The following SCML2 variants were observed in gnomAD, a reference collection of about 807,000 sequenced individuals.
The protein encoded by SCML2 is Scm polycomb group protein like 2, also known as sex comb on midleg-like protein 2.
A neutral mutation model predicts 48.4 loss-of-function variants in SCML2; 6 were observed. That is an observed-to-expected ratio of 0.12 (90% confidence interval 0.07 to 0.24). SCML2 has a LOEUF of 0.24. Among genes scored for constraint, SCML2 ranks in the 10% least tolerant of loss-of-function variants. The pLI is 1.00. For synonymous variants in SCML2, 181 were observed against 189.5 expected (o/e 0.95, Z 0.37); for missense variants, 377 against 528.2 (o/e 0.71, Z 2.81).
chrX:18,331,414 C>A (rs749311285), intron 2 of SCML2, among the ~76,000 whole-genome samples: 73 of 109,756 alleles, frequency 6.7e-4, no homozygotes, highest in African/African-American at 2.0e-3. Flanking sequence ...CACTGTAATT[C>A]AATGGACTGG....
In SCML2 at chrX:18,239,362, A is replaced by G. The variant is rs5955958; in HGVS notation, c.*1889T>C. 1 of 112,949 alleles carries G rather than the reference A, an allele frequency of 8.9e-6. No individual in the cohort carries two copies. Among genetic ancestry groups the G allele is most frequent in the Admixed American group, 9.4e-5 (1 of 10,637 alleles). 9.3% of individuals were successfully genotyped at this position (112,949 alleles called of 1,213,427 possible). A position where few individuals can be genotyped will look rare whatever the true frequency, so the allele number is the denominator to read the frequency against. The stretch of plus-strand genomic sequence containing the variant: ...AATATTTTAAAATATGAAAACTGTA[A>G]AACATAGTATTTATGTAAACACCTG... On this transcript the variant is annotated 3_prime_UTR_variant, in exon 15 of 15. Coordinates refer to ENST00000251900, the MANE Select transcript of SCML2 (RefSeq NM_006089.3).
chrX:18,334,940 A>G (rs1236954022), intron 1 of SCML2, among the ~76,000 whole-genome samples: 3 of 112,043 alleles, frequency 2.7e-5, no homozygotes, highest in African/African-American at 9.7e-5. Context: ...GGCTGGGTGC[A>G]GTGGCTCATG....
At position 18,325,031 on chromosome X, in the gene SCML2, T is replaced by C. The variant is rs1929436020; in HGVS notation, c.92-54A>G. 4.7e-6 allele frequency: 4 copies of C among 855,809 alleles called. No homozygotes were observed. The East Asian group carries it at 1.3e-4, about 27-fold the overall frequency. 70.5% of individuals were successfully genotyped at this position (855,809 alleles called of 1,213,427 possible). ...TCTTAAAGCATATACAATGTAACTT[T>C]TAGTATATACAACTTTCAGGATTAA... On this transcript the variant is annotated intron_variant, in intron 3 of 14. Transcript: ENST00000251900.
chrX:18,353,672 T>G (rs1242236240), intron 1 of SCML2, among the ~76,000 whole-genome samples: 3 of 112,532 alleles, frequency 2.7e-5, no homozygotes, highest in Non-Finnish European at 3.8e-5. Flanking sequence ...ATAAATAGTC[T>G]CAAATGGGAG....
intron 1 of SCML2, among the ~76,000 whole-genome samples, chrX:18,343,347 T>C (rs1175107765): frequency 9.4e-6 from 1 of 106,858 alleles, no homozygotes; most frequent in African/African-American, 3.4e-5. Context: ...TCAATTTCAC[T>C]AGGGAAAAAA....
chrX:18,337,323 A>C (rs1219992498), intron 1 of SCML2, among the ~76,000 whole-genome samples: 1 of 103,518 alleles, frequency 9.7e-6, no homozygotes, highest in Admixed American at 1.1e-4. Context: ...AAAAAAAAAA[A>C]AAAAAAAAAA....
At chrX:18,252,072 G>A (rs1019136161) in intron 11 of SCML2, among the ~76,000 whole-genome samples, 1 of 111,916 alleles carries the variant, frequency 8.9e-6, no homozygotes, top group African/African-American at 3.2e-5. Flanking sequence ...TCAGGAATTC[G>A]AGACCAGCCT....
Position 18,258,238 on chromosome X carries a change from T to C in SCML2, c.1079A>G (p.Tyr360Cys). The change falls in exon 10 of 15, where the codon TAT (tyrosine) becomes TGT (cysteine). Residue 360 changes from tyrosine to cysteine, a missense_variant. Tyr to Cys is a radical substitution (Grantham distance 194). Coordinates refer to ENST00000251900, the MANE Select transcript of SCML2 (RefSeq NM_006089.3). Reference sequence around the variant, plus strand: ...GCCAAAGTTTCCATGTTTGTTTACATAGACACAGACTTGAGAAAAAATGCG... The same window carrying C: ...GCCAAAGTTTCCATGTTTGTTTACACAGACACAGACTTGAGAAAAAATGCG... Reference protein sequence around the residue: ...CKIVMSTVCVYVNKHGNFGPH... With the variant: ...CKIVMSTVCVCVNKHGNFGPH... The C allele has an allele frequency of 8.3e-7, 1 of 1,208,903 alleles. No homozygotes were observed.
At chrX:18,336,451 A>G (rs1178887046) in intron 1 of SCML2, among the ~76,000 whole-genome samples, 4 of 98,266 alleles carry the variant, frequency 4.1e-5, no homozygotes, top group African/African-American at 7.7e-5. Flanking sequence ...AAAAAAAAAA[A>G]AATGGCCAGG....
intron 7 of SCML2, among the ~76,000 whole-genome samples, chrX:18,269,837 T>C (rs1311741554): frequency 9.0e-6 from 1 of 110,819 alleles, no homozygotes; most frequent in Non-Finnish European, 1.9e-5. Flanking sequence ...TTGTAGCAAA[T>C]AGTAACTTTA....
At chrX:18,307,192 G>A (rs1204458748) in intron 6 of SCML2, among the ~76,000 whole-genome samples, 1 of 109,798 alleles carries the variant, frequency 9.1e-6, no homozygotes, top group Non-Finnish European at 1.9e-5. Flanking sequence ...GCTGGGGCAG[G>A]AGAATCACTT....
intron 7 of SCML2, among the ~76,000 whole-genome samples, chrX:18,275,498 T>C (rs1375702486): frequency 2.7e-5 from 3 of 112,695 alleles, no homozygotes; most frequent in Non-Finnish European, 5.6e-5. Flanking sequence ...TTTATCTCTA[T>C]TGGCATAGAC....
At chrX:18,333,990 A>G in intron 2 of SCML2, 60 bp downstream of exon 2, 1 of 1,036,561 alleles carries the variant, frequency 9.6e-7, no homozygotes, top group Non-Finnish European at 1.3e-6. Context: ...AGTATACCAG[A>G]AGATATTCAT....
At chrX:18,347,723 CAAAAAAAAAAAAA>C (rs749758995) in intron 1 of SCML2, among the ~76,000 whole-genome samples, 10 of 21,925 alleles carry the variant, frequency 4.6e-4, no homozygotes, top group South Asian at 0.016. Context: ...GACTCCGTCT[CAAAAAAAAAAAAA>C]AAAAAAAAAA....
intron 1 of SCML2, among the ~76,000 whole-genome samples, chrX:18,349,683 G>A (rs1411041422): frequency 9.0e-6 from 1 of 111,606 alleles, no homozygotes; most frequent in African/African-American, 3.3e-5. Flanking sequence ...TGTAATCCCA[G>A]CTCCCCAGGA....
At chrX:18,332,311 T>C (rs1929683369) in intron 2 of SCML2, among the ~76,000 whole-genome samples, 1 of 112,517 alleles carries the variant, frequency 8.9e-6, no homozygotes, top group Admixed American at 9.5e-5. Context: ...TTTGTTTTGC[T>C]TTTTATTATC....
Position 18,334,755 on chromosome X carries a change from A to G in SCML2, c.-24-660T>C, listed in dbSNP as rs139938636. Among the ~76,000 whole-genome samples, 262 of 112,342 alleles carry G rather than the reference A, an allele frequency of 2.3e-3. 1 individual carries two copies. The highest frequency in any genetic ancestry group is 3.5e-3 in the Non-Finnish European group (188 of 53,280). ...GACCCCAGTCTAGTCAGAAATAAGC[A>G]TATGAACAAAACACAATATAAGTGC... On this transcript the variant is annotated intron_variant, in intron 1 of 14. Coordinates refer to ENST00000251900, the MANE Select transcript of SCML2 (RefSeq NM_006089.3).
intron 7 of SCML2, among the ~76,000 whole-genome samples, chrX:18,286,195 TC>T (rs1390878677): frequency 1.8e-5 from 2 of 111,347 alleles, no homozygotes; most frequent in Non-Finnish European, 3.8e-5. Flanking sequence ...ATACAAAATG[TC>T]CCCAAAAAAA....
At position 18,331,036 on chromosome X, in the gene SCML2, G is replaced by A. The variant is rs764885247; in HGVS notation, c.23-381C>T. Among the ~76,000 whole-genome samples the A allele has an allele frequency of 1.8e-4, 20 of 109,953 alleles. No individual in the cohort carries two copies. The East Asian group carries it at 5.2e-3, about 29-fold the overall frequency. ...GCACTTGAGGAGGCCAAGGCAGGCA[G>A]ATCACATGAGGTCACGAGTTTGAGA... is the stretch of plus-strand genomic sequence containing the variant. On this transcript the variant is annotated intron_variant, in intron 2 of 14. Transcript: ENST00000251900.
Sources: gnomAD v4.1 joint callset for allele counts (sites outside exome capture counted in the v4.1 genomes callset) on GRCh38, gnomAD v4.1.1 for gene constraint, MANE v1.5 for transcripts, NCBI Gene and HGNC (gene_info 2026-07-23, HGNC 2026-07-21) for gene names.